PCDH15: variants seen among roughly 807,000 people sequenced by gnomAD.
PCDH15 encodes protocadherin-15.
In PCDH15, 129 loss-of-function variants were observed where a neutral mutation model predicts 178.5. The ratio of observed to expected loss-of-function variants is 0.72; its 90% confidence interval spans 0.63 to 0.84. The LOEUF is 0.84. PCDH15 is among the 40% of genes least tolerant of loss of function. The pLI is 0.00. For missense variants in PCDH15, 2,230 were observed against 2,099.9 expected (o/e 1.06, Z -1.21); for synonymous variants, 800 against 732.0 (o/e 1.09, Z -1.50).
chr10:54,163,406 G>GGA (rs57981979), intron 13 of PCDH15, among the ~76,000 whole-genome samples: 44,160 of 150,856 alleles, frequency 0.29, 6,700 homozygotes, highest in African/African-American at 0.36. Context: ...CATGGCAGCA[G>GGA]GAGAGAGAGA....
intron 2 of PCDH15, among the ~76,000 whole-genome samples, chr10:55,116,343 A>G (rs1837627490): frequency 1.3e-5 from 2 of 152,318 alleles, no homozygotes; most frequent in East Asian, 1.9e-4. Flanking sequence ...TGACTCAGCT[A>G]TACATAAATG....
At chr10:55,086,781 C>T (rs866374849) in intron 2 of PCDH15, among the ~76,000 whole-genome samples, 1 of 151,864 alleles carries the variant, frequency 6.6e-6, no homozygotes, top group African/African-American at 2.4e-5. Flanking sequence ...TATAGATAAA[C>T]AAATAAATAT....
At chr10:55,488,638 T>C (rs1473249607) in intron 2 of PCDH15, among the ~76,000 whole-genome samples, 1 of 151,588 alleles carries the variant, frequency 6.6e-6, no homozygotes, top group Non-Finnish European at 1.5e-5. Context: ...CCTAGAATTA[T>C]CAGAGCCAAT....
chr10:53,948,998 C>A (rs1055933744), intron 23 of PCDH15, among the ~76,000 whole-genome samples: 3 of 152,198 alleles, frequency 2.0e-5, no homozygotes, highest in African/African-American at 7.2e-5. Context: ...TATAAAATCA[C>A]TCTTTGTATT....
At chr10:54,815,142 TG>T (rs1952928090) in intron 3 of PCDH15, among the ~76,000 whole-genome samples, 1 of 139,856 alleles carries the variant, frequency 7.2e-6, no homozygotes, top group East Asian at 2.7e-4. Context: ...ATAAATATGT[TG>T]GTTTTTTTTT....
At chr10:54,580,374 T>C (rs975417643) in intron 2 of PCDH15, among the ~76,000 whole-genome samples, 2 of 152,012 alleles carry the variant, frequency 1.3e-5, no homozygotes, top group Admixed American at 6.6e-5. Flanking sequence ...AGGAAATTGA[T>C]ACATTCATGA....
At chr10:54,526,603 A>G (rs943181309) in intron 3 of PCDH15, among the ~76,000 whole-genome samples, 3 of 151,880 alleles carry the variant, frequency 2.0e-5, no homozygotes, top group African/African-American at 4.9e-5. Context: ...TAAATGCATC[A>G]TAATAACTGT....
At chr10:54,733,741 T>C (rs1943707366) in intron 1 of PCDH15, among the ~76,000 whole-genome samples, 2 of 151,608 alleles carry the variant, frequency 1.3e-5, no homozygotes, top group African/African-American at 4.8e-5. Flanking sequence ...TATTGGCAAA[T>C]GGGTAGATAC....
chr10:55,219,911 C>G lies in PCDH15; in HGVS notation c.-155-53260G>C, dbSNP rs1194325798. Among the ~76,000 whole-genome samples, 7 of 151,214 alleles carry G rather than the reference C, an allele frequency of 4.6e-5. No homozygotes were observed. In the East Asian group the frequency reaches 5.8e-4, roughly 13 times the overall value. ...ACACACACACACACACACACACACA[C>G]AGTGAATTTCCTAACATGTTAGGTC... On this transcript the variant is annotated intron_variant, in intron 1 of 5. Coordinates refer to the PCDH15 transcript ENST00000458638.
At chr10:54,514,197 A>C (rs1025923654) in intron 3 of PCDH15, among the ~76,000 whole-genome samples, 2 of 152,224 alleles carry the variant, frequency 1.3e-5, no homozygotes, top group African/African-American at 4.8e-5. Flanking sequence ...AAGAAGGCAC[A>C]TCTTTGTGTA....
intron 2 of PCDH15, among the ~76,000 whole-genome samples, chr10:54,996,510 G>A (rs1354398097): frequency 7.2e-5 from 11 of 152,154 alleles, no homozygotes; most frequent in Non-Finnish European, 1.6e-4. Flanking sequence ...GTAGTCACGG[G>A]AGGTCAGTGT....
chr10:54,439,592 G>A (rs900587929), intron 3 of PCDH15, among the ~76,000 whole-genome samples: 60 of 151,676 alleles, frequency 4.0e-4, no homozygotes, highest in African/African-American at 1.5e-3. Flanking sequence ...TGGAAGCAGT[G>A]GGGAAAAAAA....
At chr10:53,833,011 G>A (rs1367889283) in intron 29 of PCDH15, among the ~76,000 whole-genome samples, 2 of 151,732 alleles carry the variant, frequency 1.3e-5, no homozygotes, top group Admixed American at 6.6e-5. Context: ...ATTGTTACAC[G>A]TTAAAAGAAA....
intron 2 of PCDH15, among the ~76,000 whole-genome samples, chr10:55,499,249 T>G (rs1022741160): frequency 2.0e-5 from 3 of 151,866 alleles, no homozygotes; most frequent in Non-Finnish European, 4.4e-5. Flanking sequence ...AAATTTGTGG[T>G]AATTTGACAG....
chr10:55,246,331 C>T (rs1841679020), intron 1 of PCDH15, among the ~76,000 whole-genome samples: 1 of 152,080 alleles, frequency 6.6e-6, no homozygotes, highest in Admixed American at 6.6e-5. Flanking sequence ...AATATTGTTG[C>T]TTTGAGAATG....
chr10:54,500,394 A>G (rs1250125570), intron 3 of PCDH15, among the ~76,000 whole-genome samples: 1 of 152,156 alleles, frequency 6.6e-6, no homozygotes, highest in Non-Finnish European at 1.5e-5. Flanking sequence ...CCACAGTGAC[A>G]TGCAATTTAC....
At chr10:55,104,059 A>G (rs1402182028) in intron 2 of PCDH15, among the ~76,000 whole-genome samples, 4 of 152,132 alleles carry the variant, frequency 2.6e-5, no homozygotes, top group Non-Finnish European at 5.9e-5. Context: ...ATACCCACAC[A>G]TATACATACA....
intron 2 of PCDH15, among the ~76,000 whole-genome samples, chr10:54,635,899 A>G (rs1444206667): frequency 6.6e-6 from 1 of 151,884 alleles, no homozygotes; most frequent in East Asian, 1.9e-4. Flanking sequence ...GAAAAACAAA[A>G]ACACAGAAGT....
At chr10:53,913,887 A>C (rs888311848) in intron 25 of PCDH15, among the ~76,000 whole-genome samples, 14 of 152,234 alleles carry the variant, frequency 9.2e-5, no homozygotes, top group African/African-American at 3.4e-4. Flanking sequence ...TAACATCCAG[A>C]ATCTACAAAG....
Sources: gnomAD v4.1 joint callset for allele counts (sites outside exome capture counted in the v4.1 genomes callset) on GRCh38, gnomAD v4.1.1 for gene constraint, MANE v1.5 for transcripts, NCBI Gene and HGNC (gene_info 2026-07-23, HGNC 2026-07-21) for gene names.